The following CADPS2 variants were observed in gnomAD, a reference collection of about 807,000 sequenced individuals.
CADPS2 encodes the protein calcium-dependent secretion activator 2.
Under a neutral mutation model 172.5 loss-of-function variants are expected in CADPS2, and 93 were observed. That is an observed-to-expected ratio of 0.54 (90% CI 0.46 to 0.64). The LOEUF (loss-of-function observed/expected upper bound fraction) is 0.64, where lower values mean the gene tolerates loss of function less well. Among genes scored for constraint, CADPS2 ranks in the 30% least tolerant of loss-of-function variants. The pLI is 0.00. For missense variants in CADPS2, 1,420 were observed against 1,565.9 expected (o/e 0.91, Z 1.57); for synonymous variants, 546 against 555.2 (o/e 0.98, Z 0.23).
In CADPS2 at chr7:122,355,130, C is replaced by A. The variant is rs182521034; in HGVS notation, c.3504+5658G>T. ...TATATTTAAATGGTTTGATTTGGGT[C>A]ATTTTCTGTTAACTCATACATCTTC... On this transcript the variant is annotated intron_variant, in intron 27 of 29. Coordinates refer to ENST00000449022, the MANE Select transcript of CADPS2 (RefSeq NM_017954.11). Among the ~76,000 whole-genome samples the A allele has an allele frequency of 6.5e-3, 984 of 152,212 alleles. 18 individuals carry two copies. Among genetic ancestry groups the A allele is most frequent in the Middle Eastern group, 0.014 (4 of 294 alleles).
chr7:122,803,991 A>C (rs1379095902), intron 1 of CADPS2, among the ~76,000 whole-genome samples: 1 of 149,764 alleles, frequency 6.7e-6, no homozygotes, highest in Non-Finnish European at 1.5e-5. Flanking sequence ...AAAAAAAAAA[A>C]AAAAAAACAC....
At chr7:122,490,536 C>T (rs1031093188) in intron 10 of CADPS2, among the ~76,000 whole-genome samples, 1 of 152,066 alleles carries the variant, frequency 6.6e-6, no homozygotes, top group Non-Finnish European at 1.5e-5. Context: ...TATCATTCTA[C>T]AAGACATATA....
chr7:122,524,841 A>G (rs1434831153), intron 8 of CADPS2, among the ~76,000 whole-genome samples: 1 of 152,164 alleles, frequency 6.6e-6, no homozygotes, highest in East Asian at 1.9e-4. Context: ...TATTTTTACT[A>G]CGTATCTATA....
intron 1 of CADPS2, among the ~76,000 whole-genome samples, chr7:122,842,876 C>T (rs1343963700): frequency 6.6e-6 from 1 of 152,066 alleles, no homozygotes; most frequent in African/African-American, 2.4e-5. Context: ...AGGTTGAGGA[C>T]AACATGATTT....
chr7:122,337,575 C>T (rs2150895519), intron 28 of CADPS2, among the ~76,000 whole-genome samples: 1 of 152,294 alleles, frequency 6.6e-6, no homozygotes, highest in Middle Eastern at 3.4e-3. Context: ...CCTTTGGCCT[C>T]TCTGAACCAC....
chr7:122,418,827 C>CA (rs1189746101), intron 17 of CADPS2, among the ~76,000 whole-genome samples: 2 of 152,068 alleles, frequency 1.3e-5, no homozygotes, highest in African/African-American at 4.8e-5. Flanking sequence ...TATTTTAGCA[C>CA]TAACTACATT....
chr7:122,579,237 A>C (rs1432909546), intron 7 of CADPS2, among the ~76,000 whole-genome samples: 1 of 151,946 alleles, frequency 6.6e-6, no homozygotes, highest in Non-Finnish European at 1.5e-5. Flanking sequence ...GACATTTAGC[A>C]ATGTCTGGAG....
chr7:122,491,591 C>T (rs1029155026), intron 9 of CADPS2, among the ~76,000 whole-genome samples, 171 bp from the exon 10 acceptor site: 3 of 152,064 alleles, frequency 2.0e-5, no homozygotes, highest in Non-Finnish European at 2.9e-5. Context: ...AAGCACCTTT[C>T]GTTTGTCAGC....
intron 1 of CADPS2, among the ~76,000 whole-genome samples, chr7:122,755,886 G>A (rs971108947): frequency 4.6e-5 from 7 of 152,164 alleles, no homozygotes; most frequent in South Asian, 2.1e-4. Context: ...GAATCTTTGC[G>A]ATGTAGACGT....
chr7:122,858,308 A>G (rs138524482), intron 1 of CADPS2, among the ~76,000 whole-genome samples: 64 of 152,294 alleles, frequency 4.2e-4, no homozygotes, highest in African/African-American at 1.5e-3. Context: ...CCTGCAATAT[A>G]CCCACAAACT....
chr7:122,818,748 C>CTT (rs1410535185), intron 1 of CADPS2, among the ~76,000 whole-genome samples: 1 of 152,144 alleles, frequency 6.6e-6, no homozygotes, highest in East Asian at 1.9e-4. Context: ...GCAATTTACT[C>CTT]TTAAAAAGGT....
chr7:122,852,287 G>A (rs78427312), intron 1 of CADPS2, among the ~76,000 whole-genome samples: 1 of 152,150 alleles, frequency 6.6e-6, no homozygotes, highest in Non-Finnish European at 1.5e-5. Flanking sequence ...GAATTCAACT[G>A]TTCATTCAAC....
At chr7:122,452,070 C>G (rs1294888976) in intron 14 of CADPS2, among the ~76,000 whole-genome samples, 1 of 148,604 alleles carries the variant, frequency 6.7e-6, no homozygotes, top group Non-Finnish European at 1.5e-5. Flanking sequence ...TTAAATATTC[C>G]TGTGAAATCA....
At chr7:122,530,861 C>T (rs1156526417) in intron 8 of CADPS2, among the ~76,000 whole-genome samples, 2 of 152,114 alleles carry the variant, frequency 1.3e-5, no homozygotes, top group African/African-American at 4.8e-5. Flanking sequence ...GATCTCAGAA[C>T]AACAGGATCA....
At chr7:122,563,718 A>C (rs1292223188) in intron 7 of CADPS2, among the ~76,000 whole-genome samples, 1 of 152,174 alleles carries the variant, frequency 6.6e-6, no homozygotes, top group East Asian at 1.9e-4. Context: ...GGGAGGTATA[A>C]ACAATATCTA....
intron 1 of CADPS2, among the ~76,000 whole-genome samples, chr7:122,839,895 A>G (rs1809876580): frequency 1.3e-5 from 2 of 152,236 alleles, no homozygotes; most frequent in Admixed American, 6.5e-5. Context: ...ATCTAAAACT[A>G]GAAATACCAT....
chr7:122,477,806 T>C (rs964893067), intron 12 of CADPS2, among the ~76,000 whole-genome samples: 1 of 152,130 alleles, frequency 6.6e-6, no homozygotes. Context: ...GAAGCTAAAA[T>C]CTACTTAACA....
intron 9 of CADPS2, among the ~76,000 whole-genome samples, chr7:122,510,174 A>G (rs2059911719): frequency 6.6e-6 from 1 of 152,174 alleles, no homozygotes; most frequent in South Asian, 2.1e-4. Context: ...AATAAGTAAC[A>G]AACATATACA....
chr7:122,440,266 G>C (rs1022527343), intron 16 of CADPS2: 1 of 152,112 alleles, frequency 6.6e-6, no homozygotes, highest in African/African-American at 2.4e-5. Flanking sequence ...CTTCCCTACT[G>C]GGGGGCAGAA....
Sources: allele counts gnomAD v4.1 joint callset (sites outside exome capture counted in the v4.1 genomes callset), GRCh38; gene constraint gnomAD v4.1.1; transcripts MANE v1.5; gene names NCBI Gene and HGNC (gene_info 2026-07-23, HGNC 2026-07-21).